The following MED13 variants were observed in gnomAD, a reference collection of about 807,000 sequenced individuals.
The protein encoded by MED13 is mediator complex subunit 13, also known as mediator of RNA polymerase II transcription subunit 13.
A neutral mutation model predicts 225.2 loss-of-function variants in MED13; 23 were observed. The observed-to-expected ratio is 0.10, with a 90% CI of 0.07 to 0.14. MED13 has a LOEUF of 0.14. Among genes scored for constraint, MED13 ranks in the 10% least tolerant of loss-of-function variants. The pLI, the probability that MED13 is intolerant of heterozygous loss-of-function variation, is 1.00. For missense variants in MED13, 2,197 were observed against 2,594.5 expected, an observed-to-expected ratio of 0.85 and a Z score of 3.33; for synonymous variants, 942 against 889.2, an observed-to-expected ratio of 1.06 and a Z score of -1.06.
At chr17:62,038,046 GGAGTA>G (rs2080821056) in intron 3 of MED13, among the ~76,000 whole-genome samples, 1 of 150,882 alleles carries the variant, frequency 6.6e-6, no homozygotes, top group South Asian at 2.1e-4. Flanking sequence ...TTTAATCAGT[GGAGTA>G]TAGTTCTTAA....
chr17:61,987,370 G>T (rs1227422506), intron 11 of MED13, among the ~76,000 whole-genome samples: 1 of 152,044 alleles, frequency 6.6e-6, no homozygotes, highest in Non-Finnish European at 1.5e-5. Context: ...GGAGGCAGAG[G>T]TTGCAGTGAG....
At chr17:62,037,147 G>A (rs997478289) in intron 3 of MED13, among the ~76,000 whole-genome samples, 2 of 152,116 alleles carry the variant, frequency 1.3e-5, no homozygotes, top group Non-Finnish European at 2.9e-5. Flanking sequence ...CAGCTACTTG[G>A]GAGGCTGAGG....
rs1398687550 is a variant in MED13, at chr17:61,944,958, T to C, written c.*1510A>G. 1 of 152,604 alleles carries C rather than the reference T, an allele frequency of 6.6e-6. No homozygotes were observed. Among genetic ancestry groups the C allele is most frequent in the African/African-American group, 2.4e-5 (1 of 41,430 alleles). 9.5% of individuals were successfully genotyped at this position (152,604 alleles called of 1,614,324 possible). ...GCAAACAAGAAGGGGGAAAGTTGTA[T>C]TGAAGGAGGGGTGAATTAAAGTCCC... On this transcript the variant is annotated 3_prime_UTR_variant, in exon 30 of 30. Coordinates refer to ENST00000397786, the MANE Select transcript of MED13 (RefSeq NM_005121.3).
rs752382618 is a variant in MED13 at position 61,983,076 on chromosome 17, T to C, written c.2927A>G (p.Tyr976Cys). ...SNMDQEYGTA[Y>C]TPQTHTSFGM... ...AAAAGAAGTATGAGTTTGAGGTGTATAAGCAGTGCCATATTCTTGATCCAT... is the reference window on the plus strand; with the variant it reads ...AAAAGAAGTATGAGTTTGAGGTGTACAAGCAGTGCCATATTCTTGATCCAT... The change falls in exon 16 of 30, where the codon TAT becomes TGT. Residue 976 changes from tyrosine (Y) to cysteine (C), a missense_variant. Around this residue, in one of 12 missense-constraint regions of MED13, gnomAD observed 160 missense variants for 184.8 expected, o/e 0.87. Coordinates refer to ENST00000397786, the MANE Select transcript of MED13 (RefSeq NM_005121.3). The C allele has an allele frequency of 9.3e-6, 15 of 1,613,072 alleles. No individual in the cohort carries two copies. Among genetic ancestry groups the C allele is most frequent in the Non-Finnish European group, 1.3e-5 (15 of 1,179,538 alleles).
At chr17:62,020,873 A>G (rs1349645103) in intron 8 of MED13, among the ~76,000 whole-genome samples, 1 of 151,704 alleles carries the variant, frequency 6.6e-6, no homozygotes, top group Non-Finnish European at 1.5e-5. Context: ...ACTTGAGATT[A>G]GGGAGTGGTG....
intron 8 of MED13, among the ~76,000 whole-genome samples, chr17:62,018,493 C>T (rs2080604667): frequency 6.6e-6 from 1 of 152,014 alleles, no homozygotes; most frequent in South Asian, 2.1e-4. Flanking sequence ...TTACTTGAGG[C>T]CAGGAGTTCA....
At chr17:61,970,679 CAA>C (rs10600340) in intron 17 of MED13, among the ~76,000 whole-genome samples, 6,410 of 46,108 alleles carry the variant, frequency 0.14, 56 homozygotes, top group East Asian at 0.39. Flanking sequence ...GAGACTGTCT[CAA>C]AAAAAAAAAA....
intron 16 of MED13, among the ~76,000 whole-genome samples, chr17:61,975,607 T>C (rs1226085299): frequency 2.0e-5 from 3 of 152,162 alleles, no homozygotes; most frequent in Non-Finnish European, 4.4e-5. Context: ...TAATCCCAGC[T>C]ATCAGGGAGG....
chr17:62,004,845 T>C (rs72843775), intron 9 of MED13: 9,960 of 152,036 alleles, frequency 0.066, 587 homozygotes, highest in South Asian at 0.31. Context: ...ATACTACATT[T>C]AGCAAGAGTA....
intron 16 of MED13, among the ~76,000 whole-genome samples, chr17:61,973,130 GTCAT>G (rs2080124134): frequency 6.6e-6 from 1 of 152,042 alleles, no homozygotes; most frequent in African/African-American, 2.4e-5. Context: ...TCCATAAAAA[GTCAT>G]TCATTAGCTG....
intron 3 of MED13, among the ~76,000 whole-genome samples, chr17:62,048,476 C>T (rs2080923675): frequency 6.6e-6 from 1 of 151,214 alleles, no homozygotes; most frequent in Admixed American, 6.6e-5. Context: ...AGAGCCTCTC[C>T]ACTTTCTTCC....
Position 62,023,389 on chromosome 17 carries a change from A to G in MED13, c.1283+6152T>C, listed in dbSNP as rs558079136. Among the ~76,000 whole-genome samples the G allele has an allele frequency of 3.3e-5, 5 of 152,314 alleles. No homozygotes were observed. The South Asian group carries it at 1.0e-3, about 32-fold the overall frequency. On this transcript the variant is annotated intron_variant, in intron 8 of 29. Coordinates refer to ENST00000397786, the MANE Select transcript of MED13 (RefSeq NM_005121.3). ...GAGCTTCTATGACTTCTAGCACTGAAAGGACAATAAGATGATGTAGTCTCA... is the reference window on the plus strand; with the variant it reads ...GAGCTTCTATGACTTCTAGCACTGAGAGGACAATAAGATGATGTAGTCTCA...
chr17:62,042,028 G>A (rs1047671297), intron 3 of MED13, among the ~76,000 whole-genome samples: 6 of 152,132 alleles, frequency 3.9e-5, no homozygotes, highest in Non-Finnish European at 8.8e-5. Flanking sequence ...TTTTTTGTAA[G>A]CTCTCCAGGT....
chr17:62,048,023 T>C (rs1319313966), intron 3 of MED13, among the ~76,000 whole-genome samples: 1 of 112,896 alleles, frequency 8.9e-6, no homozygotes, highest in Non-Finnish European at 1.8e-5. Flanking sequence ...TATACATATA[T>C]ACATATACAT....
chr17:61,995,676 T>C (rs1161073326), intron 9 of MED13, among the ~76,000 whole-genome samples: 1 of 152,154 alleles, frequency 6.6e-6, no homozygotes, highest in African/African-American at 2.4e-5. Flanking sequence ...TTTGTACAAA[T>C]CCATTCCCTG....
chr17:61,992,485 G>T, intron 11 of MED13, 55 bp downstream of exon 11: 2 of 1,059,230 alleles, frequency 1.9e-6, no homozygotes, highest in Non-Finnish European at 2.9e-6. Context: ...TATCAGATCA[G>T]TCTGTAGTAA....
Position 61,946,036 on chromosome 17 carries a change from G to A in MED13, c.*432C>T, listed in dbSNP as rs1298005483. 3 of 152,818 alleles carry A rather than the reference G, an allele frequency of 2.0e-5. No homozygotes were observed. The highest frequency in any genetic ancestry group is 4.4e-5 in the Non-Finnish European group (3 of 68,362). 9.5% of individuals were successfully genotyped at this position (152,818 alleles called of 1,614,324 possible). A position where few individuals can be genotyped will look rare whatever the true frequency, so the allele number is the denominator to read the frequency against. ...AAAACTTACAATAAATAAGAGAAGA[G>A]ATGCAGGCATTTTTGAATACTAGAT... On this transcript the variant is annotated 3_prime_UTR_variant, in exon 30 of 30. Transcript: ENST00000397786.
At position 62,029,605 on chromosome 17, in the gene MED13, C is replaced by T; in HGVS notation, c.1219G>A (p.Ala407Thr). ...AAATCCCAGGATGCCACTTTAGCAG[C>T]TGTCGCTTCTTCGCATAGACCACCT... ...SSGGLCEEAT[A>T]AKVASWDFVE... is the part of the protein sequence containing the mutation. Residue 407 changes from alanine to threonine, a missense_variant, in exon 8 of 30, where the codon GCT (alanine) becomes ACT (threonine). This residue lies in a region of MED13 where 884 missense variants were observed against 918.5 expected (regional missense o/e 0.96). Coordinates refer to ENST00000397786, the MANE Select transcript of MED13 (RefSeq NM_005121.3). 3 of 1,614,168 alleles carry T rather than the reference C, an allele frequency of 1.9e-6. No individual in the cohort carries two copies. Among genetic ancestry groups the T allele is most frequent in the Non-Finnish European group, 2.5e-6 (3 of 1,180,040 alleles).
At chr17:61,986,919 T>C in intron 12 of MED13, 88 bp downstream of exon 12, 1 of 864,692 alleles carries the variant, frequency 1.2e-6, no homozygotes, top group Non-Finnish European at 1.6e-6. Flanking sequence ...AAACATAGTA[T>C]TAAACTCACA....
Sources: allele counts gnomAD v4.1 joint callset (sites outside exome capture counted in the v4.1 genomes callset), GRCh38; gene constraint gnomAD v4.1.1; regional missense constraint gnomAD v4.1.1; transcripts MANE v1.5; gene names NCBI Gene and HGNC (gene_info 2026-07-23, HGNC 2026-07-21).